RAB5A: variants seen among roughly 807,000 people sequenced by gnomAD.
RAB5A encodes ras-related protein Rab-5A.
RAB5A carries 8 observed loss-of-function variants against 25.7 expected under a neutral mutation model. That is an observed-to-expected ratio of 0.31 (90% confidence interval 0.18 to 0.56). RAB5A has a LOEUF of 0.56. RAB5A is among the 20% of genes least tolerant of loss of function. The pLI is 0.91. For synonymous variants in RAB5A, 98 were observed against 89.8 expected (o/e 1.09, Z -0.52); for missense variants, 192 against 259.7 (o/e 0.74, Z 1.79).
chr3:19,975,496 G>T, intron 2 of RAB5A, 105 bp from the exon 3 acceptor site: 2 of 1,049,592 alleles, frequency 1.9e-6, no homozygotes, highest in Non-Finnish European at 2.7e-6. Context: ...ACATACTTAC[G>T]GGGTACAGTG....
At chr3:19,969,118 C>T (rs572050690) in intron 2 of RAB5A, among the ~76,000 whole-genome samples, 3 of 145,256 alleles carry the variant, frequency 2.1e-5, no homozygotes, top group Non-Finnish European at 3.0e-5. Context: ...GATCTTGGCT[C>T]ACTGCAACCT....
chr3:19,975,887 ATCTGGTTTT>A, intron 3 of RAB5A, 135 bp downstream of exon 3: 1 of 1,322,944 alleles, frequency 7.6e-7, no homozygotes, highest in African/African-American at 1.5e-5. Flanking sequence ...GAATTAGAAA[ATCTGGTTTT>A]AAAAAAAAAC....
At position 19,948,291 on chromosome 3, in the gene RAB5A, T is replaced by TTCAA. The variant is rs558861757; in HGVS notation, c.-94+774_-94+777dup. ...GTCTTGCTTAAATGGAATCAAAGCG[T>TTCAA]TCAATCAGTTGCCTTTCACATAATA... On this transcript the variant is annotated intron_variant, in intron 1 of 5. Coordinates refer to ENST00000273047, the MANE Select transcript of RAB5A (RefSeq NM_004162.5). Among the ~76,000 whole-genome samples the TTCAA allele has an allele frequency of 2.1e-3, 316 of 152,304 alleles. 1 individual carries two copies. The highest frequency in any genetic ancestry group is 4.1e-3 in the Non-Finnish European group (276 of 68,024).
At chr3:19,963,364 A>ACCGCCCCC (rs1696615994) in intron 2 of RAB5A, among the ~76,000 whole-genome samples, 1 of 60,960 alleles carries the variant, frequency 1.6e-5, no homozygotes, top group African/African-American at 6.9e-5. Context: ...TTAGAATTTC[A>ACCGCCCCC]CCCCCCCCCC....
intron 2 of RAB5A, among the ~76,000 whole-genome samples, chr3:19,968,878 C>T (rs900575235): frequency 6.6e-6 from 1 of 152,208 alleles, no homozygotes; most frequent in Non-Finnish European, 1.5e-5. Flanking sequence ...CCTGCCCTCA[C>T]ACTATCTTTT....
intron 1 of RAB5A, among the ~76,000 whole-genome samples, chr3:19,949,697 CA>C (rs1696394546): frequency 6.6e-6 from 1 of 152,150 alleles, no homozygotes; most frequent in Non-Finnish European, 1.5e-5. Flanking sequence ...TAAAAATTAG[CA>C]TAGAAGTCGC....
Position 19,947,253 on chromosome 3 carries a change from C to A in RAB5A, c.-362C>A. The A allele has an allele frequency of 6.1e-6, 1 of 163,642 alleles. No individual in the cohort carries two copies. Among genetic ancestry groups the A allele is most frequent in the South Asian group, 1.1e-4 (1 of 9,274 alleles). 10.1% of individuals were successfully genotyped at this position (163,642 alleles called of 1,614,324 possible). ...GGGAGGAGGAGGAGGAAGAATTAGT[C>A]GGAACTCCAGCGCCGGCGGCGGCGG... On this transcript the variant is annotated 5_prime_UTR_variant, in exon 1 of 6. Transcript: ENST00000273047.
intron 5 of RAB5A, among the ~76,000 whole-genome samples, chr3:19,981,350 C>T (rs545321082): frequency 6.6e-6 from 1 of 152,280 alleles, no homozygotes; most frequent in African/African-American, 2.4e-5. Context: ...GGCTCACTAC[C>T]TGTAATCCCA....
intron 5 of RAB5A, among the ~76,000 whole-genome samples, chr3:19,979,056 A>C (rs1230046478): frequency 2.6e-5 from 4 of 151,754 alleles, no homozygotes; most frequent in Non-Finnish European, 5.9e-5. Flanking sequence ...AGCTCACTGC[A>C]ACCTCCACTT....
chr3:19,962,411 T>C (rs1166605678), intron 2 of RAB5A, among the ~76,000 whole-genome samples: 2 of 151,808 alleles, frequency 1.3e-5, no homozygotes, highest in African/African-American at 2.4e-5. Context: ...CTACTAAAAA[T>C]ACAAAAATTA....
intron 2 of RAB5A, among the ~76,000 whole-genome samples, chr3:19,959,266 A>G (rs1696549685): frequency 6.6e-6 from 1 of 152,206 alleles, no homozygotes; most frequent in Non-Finnish European, 1.5e-5. Context: ...ACCAGAAATC[A>G]TCTCTGATGA....
At chr3:19,969,130 C>T (rs1279555612) in intron 2 of RAB5A, among the ~76,000 whole-genome samples, 3 of 148,896 alleles carry the variant, frequency 2.0e-5, no homozygotes, top group East Asian at 2.0e-4. Flanking sequence ...CTGCAACCTC[C>T]GCCTCCTGGG....
chr3:19,975,842 T>C, intron 3 of RAB5A, 90 bp downstream of exon 3: 1 of 1,429,348 alleles, frequency 7.0e-7, no homozygotes, highest in Non-Finnish European at 9.5e-7. Context: ...AAAATCTTTT[T>C]CTGATAGTCA....
chr3:19,985,111 C>T lies in RAB5A; in HGVS notation c.*1288C>T, dbSNP rs911715372. The T allele has an allele frequency of 9.8e-5, 33 of 335,730 alleles. No homozygotes were observed. The highest frequency in any genetic ancestry group is 8.7e-4 in the Middle Eastern group (1 of 1,150). 20.8% of individuals were successfully genotyped at this position (335,730 alleles called of 1,614,324 possible). A position where few individuals can be genotyped will look rare whatever the true frequency, so the allele number is the denominator to read the frequency against. ...TTATGATAATGCAGAATTAGGAAAA[C>T]GGTTCACCAGTGTTTAGTTTTATAT... On this transcript the variant is annotated 3_prime_UTR_variant, in exon 6 of 6. Coordinates refer to ENST00000273047, the MANE Select transcript of RAB5A (RefSeq NM_004162.5).
At chr3:19,975,942 C>A in intron 3 of RAB5A, 105 bp from the exon 4 acceptor site, 4 of 1,436,142 alleles carry the variant, frequency 2.8e-6, no homozygotes, top group South Asian at 1.4e-5. Flanking sequence ...CTAATAATTT[C>A]TTTCCCACAG....
intron 2 of RAB5A, among the ~76,000 whole-genome samples, chr3:19,972,808 T>C (rs1696769330): frequency 6.6e-6 from 1 of 152,198 alleles, no homozygotes; most frequent in Non-Finnish European, 1.5e-5. Context: ...TGTACATGTA[T>C]GGTGTACATG....
intron 5 of RAB5A, 25 bp from the exon 6 acceptor site, chr3:19,983,683 T>A: frequency 7.1e-7 from 1 of 1,414,902 alleles, no homozygotes; most frequent in Admixed American, 1.7e-5. Context: ...TCAAATATTC[T>A]ATTTATTTGA....
chr3:19,965,468 TG>T (rs944412769), intron 2 of RAB5A, among the ~76,000 whole-genome samples: 5 of 151,558 alleles, frequency 3.3e-5, no homozygotes, highest in African/African-American at 1.2e-4. Flanking sequence ...TGGTGACATG[TG>T]GCTGACTGTC....
At chr3:19,960,413 C>T (rs1319754104) in intron 2 of RAB5A, among the ~76,000 whole-genome samples, 1 of 152,176 alleles carries the variant, frequency 6.6e-6, no homozygotes, top group Non-Finnish European at 1.5e-5. Context: ...CATCTTCCCA[C>T]CTCAGCCTCC....
Sources: gnomAD v4.1 joint callset for allele counts (sites outside exome capture counted in the v4.1 genomes callset) on GRCh38, gnomAD v4.1.1 for gene constraint, MANE v1.5 for transcripts, NCBI Gene and HGNC (gene_info 2026-07-23, HGNC 2026-07-21) for gene names.